The following UNC5C variants were observed in gnomAD, a reference collection of about 807,000 sequenced individuals.
UNC5C encodes the protein unc-5 netrin receptor C.
A neutral mutation model predicts 99.8 loss-of-function variants in UNC5C; 47 were observed. That is an observed-to-expected ratio of 0.47 (90% confidence interval 0.37 to 0.60). The LOEUF is 0.60. Among genes scored for constraint, UNC5C ranks in the 20% least tolerant of loss-of-function variants. UNC5C has a pLI of 0.00. For missense variants in UNC5C, 1,062 were observed against 1,165.9 expected (o/e 0.91, Z 1.30); for synonymous variants, 487 against 452.2 (o/e 1.08, Z -0.98).
intron 1 of UNC5C, among the ~76,000 whole-genome samples, chr4:95,366,016 G>A (rs1244891163): frequency 2.0e-4 from 31 of 151,768 alleles, no homozygotes; most frequent in Admixed American, 2.0e-3. Flanking sequence ...ATTAAATTTG[G>A]TTCAGTGGAA....
At chr4:95,259,532 GTAAT>G (rs776186843) in intron 4 of UNC5C, among the ~76,000 whole-genome samples, 3 of 152,144 alleles carry the variant, frequency 2.0e-5, no homozygotes, top group Non-Finnish European at 4.4e-5. Context: ...AAATATGTAA[GTAAT>G]TGAGTATTAA....
At chr4:95,302,109 A>T (rs2149404293) in intron 2 of UNC5C, among the ~76,000 whole-genome samples, 1 of 152,302 alleles carries the variant, frequency 6.6e-6, no homozygotes, top group African/African-American at 2.4e-5. Flanking sequence ...TCAATTATAT[A>T]GTTGTGGGTA....
chr4:95,182,918 C>T lies in UNC5C; in HGVS notation c.2430G>A (p.Gln810=). ...RQVEGEGQIF[Q]LNCTVSEEPT... ...TTACCTCTGACACGGTGCAGTTGAGCTGGAAGATCTGCCCTTCTCCTTCCA... is the reference window on the plus strand; with the variant it reads ...TTACCTCTGACACGGTGCAGTTGAGTTGGAAGATCTGCCCTTCTCCTTCCA... Residue 810 remains glutamine (Q), a synonymous_variant, in exon 14 of 16, where the codon CAG becomes CAA. Transcript: ENST00000453304. 1 of 1,613,488 alleles carries T rather than the reference C, an allele frequency of 6.2e-7. No homozygotes were observed. Among genetic ancestry groups the T allele is most frequent in the South Asian group, 1.1e-5 (1 of 90,996 alleles).
intron 1 of UNC5C, among the ~76,000 whole-genome samples, chr4:95,482,699 G>A (rs1721198206): frequency 1.6e-5 from 2 of 124,332 alleles, no homozygotes; most frequent in South Asian, 2.5e-4. Context: ...ATGAGTTCAT[G>A]TCCTTTGTAG....
At chr4:95,185,349 T>TAACTA (rs562998977) in intron 12 of UNC5C, among the ~76,000 whole-genome samples, 153 bp from the exon 13 acceptor site, 1 of 152,136 alleles carries the variant, frequency 6.6e-6, no homozygotes, top group Non-Finnish European at 1.5e-5. Context: ...CGAGACCCTC[T>TAACTA]AACTAAACTA....
intron 1 of UNC5C, among the ~76,000 whole-genome samples, chr4:95,444,133 C>A (rs1477013439): frequency 1.3e-5 from 2 of 152,168 alleles, no homozygotes; most frequent in Non-Finnish European, 2.9e-5. Flanking sequence ...AGATGGACAA[C>A]AGACTTGAGC....
At chr4:95,280,391 A>G (rs367769164) in intron 3 of UNC5C, among the ~76,000 whole-genome samples, 37 of 152,314 alleles carry the variant, frequency 2.4e-4, no homozygotes, top group East Asian at 2.3e-3. Flanking sequence ...AATATATTGT[A>G]GAAATGAACA....
chr4:95,269,292 GT>G (rs1482835674), intron 4 of UNC5C, among the ~76,000 whole-genome samples: 1 of 152,004 alleles, frequency 6.6e-6, no homozygotes, highest in African/African-American at 2.4e-5. Context: ...GGTTTTGTTT[GT>G]TTGTTTGTTT....
At chr4:95,506,894 T>C (rs1229354359) in intron 1 of UNC5C, among the ~76,000 whole-genome samples, 3 of 150,564 alleles carry the variant, frequency 2.0e-5, no homozygotes, top group Non-Finnish European at 4.4e-5. Flanking sequence ...TTAAGGGTTA[T>C]TTATATTAAT....
chr4:95,461,089 A>G (rs1747585513), intron 1 of UNC5C, among the ~76,000 whole-genome samples: 1 of 152,238 alleles, frequency 6.6e-6, no homozygotes, highest in Non-Finnish European at 1.5e-5. Context: ...ATAATTTTAA[A>G]TTATTGACAA....
chr4:95,350,060 TTAGTC>T lies in UNC5C; in HGVS notation c.125-14434_125-14430del, dbSNP rs1743929548. Among the ~76,000 whole-genome samples, 3 of 152,178 alleles carry T rather than the reference TTAGTC, an allele frequency of 2.0e-5. No homozygotes were observed. In the South Asian group the frequency reaches 6.2e-4, roughly 32 times the overall value. ...TGACTTTATGATAGAAATTGGTCTA[TTAGTC>T]TAGTTATGTAAATATCATGTTTATA... On this transcript the variant is annotated intron_variant, in intron 1 of 15. Coordinates refer to ENST00000453304, the MANE Select transcript of UNC5C (RefSeq NM_003728.4).
chr4:95,481,433 C>T (rs113983016), intron 1 of UNC5C, among the ~76,000 whole-genome samples: 53,212 of 150,930 alleles, frequency 0.35, 10,407 homozygotes, highest in Non-Finnish European at 0.44. Context: ...GGCCATACTG[C>T]CCAAGGTAAT....
At chr4:95,526,737 C>T (rs1363742613) in intron 1 of UNC5C, among the ~76,000 whole-genome samples, 2 of 151,872 alleles carry the variant, frequency 1.3e-5, no homozygotes, top group Non-Finnish European at 1.5e-5. Context: ...ATGGTCTTCT[C>T]ATTTCCCAAA....
intron 1 of UNC5C, among the ~76,000 whole-genome samples, chr4:95,390,271 A>C (rs1745319485): frequency 6.6e-6 from 1 of 152,102 alleles, no homozygotes; most frequent in Non-Finnish European, 1.5e-5. Context: ...TAGCTAGACA[A>C]CTTTTGCAAG....
At chr4:95,455,714 TG>T (rs1212497070) in intron 1 of UNC5C, among the ~76,000 whole-genome samples, 1 of 152,100 alleles carries the variant, frequency 6.6e-6, no homozygotes, top group Non-Finnish European at 1.5e-5. Context: ...TATTTTTCCA[TG>T]TGCATCTGCA....
At chr4:95,542,842 A>G (rs1417951682) in intron 1 of UNC5C, among the ~76,000 whole-genome samples, 1 of 152,090 alleles carries the variant, frequency 6.6e-6, no homozygotes, top group Non-Finnish European at 1.5e-5. Flanking sequence ...TGATCTTGTT[A>G]GCTCATAAAA....
In UNC5C at chr4:95,477,731, G is replaced by A. The variant is rs186778002; in HGVS notation, c.124+71003C>T. Among the ~76,000 whole-genome samples the A allele has an allele frequency of 3.4e-4, 52 of 152,104 alleles. No homozygotes were observed. In the South Asian group the frequency reaches 3.9e-3, roughly 12 times the overall value. ...TCCTACATCCACAATAATGATGTGC[G>A]TGTAAAAAGCAGGATTTTCATGAAG... On this transcript the variant is annotated intron_variant, in intron 1 of 15. Transcript: ENST00000453304.
chr4:95,434,439 G>C lies in UNC5C; in HGVS notation c.125-98808C>G, dbSNP rs1746718084. Among the ~76,000 whole-genome samples the C allele has an allele frequency of 3.3e-5, 5 of 152,058 alleles. No homozygotes were observed. In the South Asian group the frequency reaches 1.0e-3, roughly 31 times the overall value. ...TCTGAAAAGTGTTCTGGAAACGCAA[G>C]AAGGGGCACCTTACTTGAATCGGAG... On this transcript the variant is annotated intron_variant, in intron 1 of 15. Transcript: ENST00000453304.
chr4:95,435,039 A>G (rs1746737402), intron 1 of UNC5C, among the ~76,000 whole-genome samples: 1 of 152,120 alleles, frequency 6.6e-6, no homozygotes, highest in Non-Finnish European at 1.5e-5. Context: ...CCTTAAATAT[A>G]TTCATTCATT....
Sources: gnomAD v4.1 joint callset for allele counts (sites outside exome capture counted in the v4.1 genomes callset) on GRCh38, gnomAD v4.1.1 for gene constraint, MANE v1.5 for transcripts, NCBI Gene and HGNC (gene_info 2026-07-23, HGNC 2026-07-21) for gene names.